The following PLXND1 variants were observed in gnomAD, a reference collection of about 807,000 sequenced individuals.
PLXND1 encodes the protein plexin-D1.
PLXND1 carries 54 observed loss-of-function variants against 197.7 expected under a neutral mutation model. The ratio of observed to expected loss-of-function variants is 0.27; its 90% confidence interval spans 0.22 to 0.34. PLXND1 has a LOEUF of 0.34. Ranked by LOEUF, PLXND1 falls within the 10% of genes least tolerant of loss-of-function variation. The pLI, the probability that PLXND1 is intolerant of heterozygous loss-of-function variation, is 1.00. For synonymous variants in PLXND1, 1,180 were observed against 1,161.2 expected, an observed-to-expected ratio of 1.02 and a Z score of -0.33; for missense variants, 2,127 against 2,699.2, an observed-to-expected ratio of 0.79 and a Z score of 4.70.
intron 20 of PLXND1, 44 bp downstream of exon 20, chr3:129,569,799 G>A: frequency 9.0e-7 from 1 of 1,107,428 alleles, no homozygotes; most frequent in Non-Finnish European, 1.4e-6. Context: ...GGGGCAAGGT[G>A]GCAAGCCTGC....
At chr3:129,576,966 G>C (rs2085322597) in intron 9 of PLXND1, among the ~76,000 whole-genome samples, 1 of 152,326 alleles carries the variant, frequency 6.6e-6, no homozygotes, top group South Asian at 2.1e-4. Context: ...CTGCGTGGCA[G>C]AGCTTCCTGT....
chr3:129,556,914 C>G, intron 34 of PLXND1, 169 bp downstream of exon 34: 2 of 796,564 alleles, frequency 2.5e-6, no homozygotes, highest in South Asian at 1.8e-5. Flanking sequence ...GCTCCTCAAA[C>G]TCTGGGAAAA....
At position 129,562,962 on chromosome 3, in the gene PLXND1, A is replaced by T; in HGVS notation, c.4669-19T>A. 1 of 1,602,086 alleles carries T rather than the reference A, an allele frequency of 6.2e-7. No individual in the cohort carries two copies. The highest frequency in any genetic ancestry group is 8.5e-7 in the Non-Finnish European group (1 of 1,170,020). ...TCAGGTTCTGCAGGGGGAGAGTGGG[A>T]GAGAAAGGTCAGTGAGTTGCTGCCA... On this transcript the variant is annotated intron_variant, in intron 26 of 35. Transcript: ENST00000324093.
In PLXND1 at chr3:129,558,084, C is replaced by T. The variant is rs1347977057; in HGVS notation, c.5445+344G>A. Among the ~76,000 whole-genome samples the T allele has an allele frequency of 6.6e-6, 1 of 152,184 alleles. No individual in the cohort carries two copies. On this transcript the variant is annotated intron_variant, in intron 33 of 35. Coordinates refer to ENST00000324093, the MANE Select transcript of PLXND1 (RefSeq NM_015103.3). This position sits in a 1 kb window ranked among gnomAD's most constrained non-coding sequence, Gnocchi z 4.1. ...AGGGGCTACTGCCCAGAGCCTGGCCCGGTTTTCAGATGATGTTGTGCCTGA... is the reference window on the plus strand; with the variant it reads ...AGGGGCTACTGCCCAGAGCCTGGCCTGGTTTTCAGATGATGTTGTGCCTGA...
chr3:129,587,793 C>A (rs1305437218), intron 2 of PLXND1, among the ~76,000 whole-genome samples: 4 of 152,254 alleles, frequency 2.6e-5, no homozygotes, highest in Non-Finnish European at 5.9e-5. Context: ...GTGCTCTCCT[C>A]TGGAATATTC....
intron 31 of PLXND1, among the ~76,000 whole-genome samples, chr3:129,560,043 C>T (rs966058775): frequency 1.7e-4 from 26 of 152,224 alleles, no homozygotes; most frequent in Non-Finnish European, 2.9e-4. Flanking sequence ...CACTGAGCCA[C>T]GTGGCCTTGG....
At chr3:129,572,091 C>G (rs1389560715) in intron 15 of PLXND1, among the ~76,000 whole-genome samples, 2 of 143,704 alleles carry the variant, frequency 1.4e-5, no homozygotes, top group African/African-American at 4.9e-5. Flanking sequence ...CTGGTGAAGT[C>G]TCTCTCCCCA....
chr3:129,569,677 G>T, intron 20 of PLXND1, 166 bp downstream of exon 20: 1 of 605,152 alleles, frequency 1.7e-6, no homozygotes. Context: ...TGGAGCCAGG[G>T]CACACCTCCC....
At chr3:129,574,230 T>A in intron 12 of PLXND1, 106 bp downstream of exon 12, 1 of 1,002,170 alleles carries the variant, frequency 1.0e-6, no homozygotes, top group Non-Finnish European at 1.4e-6. Flanking sequence ...CACCCATGTG[T>A]CGGTGTATGT....
chr3:129,596,422 T>A (rs561393956), intron 1 of PLXND1, among the ~76,000 whole-genome samples: 1 of 152,274 alleles, frequency 6.6e-6, no homozygotes, highest in East Asian at 1.9e-4. Flanking sequence ...TCCCCCTTCA[T>A]GAAGCTGTTT....
chr3:129,603,793 A>G (rs2085744821), intron 1 of PLXND1, among the ~76,000 whole-genome samples: 1 of 152,174 alleles, frequency 6.6e-6, no homozygotes, highest in South Asian at 2.1e-4. Flanking sequence ...ACAGCCATGG[A>G]GAAGGGACAG....
rs551256353 is a variant in PLXND1, at chr3:129,557,002, G to A, written c.5586+81C>T. ...CTCTGCGCTCCCTGCCCTTACTCCA[G>A]TGGAGGCATTGAGGCCCAGCCCCCG... On this transcript the variant is annotated intron_variant, in intron 34 of 35. Transcript: ENST00000324093. This position sits in a 1 kb window ranked among gnomAD's most constrained non-coding sequence, Gnocchi z 4.8. 59 of 1,470,498 alleles carry A rather than the reference G, an allele frequency of 4.0e-5. No individual in the cohort carries two copies. The African/African-American group carries it at 7.6e-4, about 19-fold the overall frequency. 91.1% of individuals were successfully genotyped at this position (1,470,498 alleles called of 1,614,324 possible).
chr3:129,592,686 T>C (rs73863645), intron 1 of PLXND1, among the ~76,000 whole-genome samples: 19,893 of 152,124 alleles, frequency 0.13, 1,573 homozygotes, highest in East Asian at 0.38. Context: ...AAAAGGCCTT[T>C]CCCCCAGCGT....
At chr3:129,605,075 C>G (rs2085763620) in intron 1 of PLXND1, among the ~76,000 whole-genome samples, 1 of 152,236 alleles carries the variant, frequency 6.6e-6, no homozygotes, top group Non-Finnish European at 1.5e-5. Context: ...TCCCAGTACG[C>G]CTAGGTATGC....
chr3:129,579,919 CCAA>C (rs1027196845), intron 8 of PLXND1, among the ~76,000 whole-genome samples: 3 of 152,146 alleles, frequency 2.0e-5, no homozygotes, highest in African/African-American at 7.2e-5. Context: ...GATGCCAATG[CCAA>C]CAACAAGAAC....
At chr3:129,563,902 T>TA (rs1452943298) in intron 25 of PLXND1, among the ~76,000 whole-genome samples, 3 of 152,204 alleles carry the variant, frequency 2.0e-5, no homozygotes, top group African/African-American at 4.8e-5. Context: ...TACATAATAG[T>TA]ATTAGGCAGA....
chr3:129,606,302 G>A lies in PLXND1; in HGVS notation c.338C>T (p.Ser113Leu). The change falls in exon 1 of 36, where the codon TCG (serine) becomes TTG (leucine). Residue 113 changes from serine to leucine, a missense_variant. By Grantham distance (145) the Ser-to-Leu change is moderately radical. Transcript: ENST00000324093. ...LCHAPQLPQA[S>L]CEHPRRLTDN... ...CGTGAGGCGCCGCGGGTGCTCGCAC[G>A]AGGCCTGCGGCAGCTGCGGAGCGTG... is the stretch of plus-strand genomic sequence containing the variant. 3 of 1,521,814 alleles carry A rather than the reference G, an allele frequency of 2.0e-6. No individual in the cohort carries two copies. The highest frequency in any genetic ancestry group is 2.6e-6 in the Non-Finnish European group (3 of 1,140,514). 94.3% of individuals were successfully genotyped at this position (1,521,814 alleles called of 1,614,324 possible). A position where few individuals can be genotyped will look rare whatever the true frequency, so the allele number is the denominator to read the frequency against.
chr3:129,570,293 C>T (rs1162000907), intron 19 of PLXND1, among the ~76,000 whole-genome samples: 2 of 152,034 alleles, frequency 1.3e-5, no homozygotes, highest in African/African-American at 4.8e-5. Flanking sequence ...TGCCCTGGGA[C>T]CAGGGGGTAG....
At chr3:129,570,371 A>G (rs1261220083) in intron 19 of PLXND1, among the ~76,000 whole-genome samples, 2 of 152,174 alleles carry the variant, frequency 1.3e-5, no homozygotes, top group African/African-American at 4.8e-5. Flanking sequence ...TTTCCCAGTC[A>G]GAGCCATCCT....
Sources: gnomAD v4.1 joint callset for allele counts (sites outside exome capture counted in the v4.1 genomes callset) on GRCh38, gnomAD v4.1.1 for gene constraint, Gnocchi (gnomAD v3.1) non-coding constraint, MANE v1.5 for transcripts, NCBI Gene and HGNC (gene_info 2026-07-23, HGNC 2026-07-21) for gene names.